The following PLXNA4 variants were observed in gnomAD, a reference collection of about 807,000 sequenced individuals.
The protein encoded by PLXNA4 is plexin A4.
PLXNA4 carries 44 observed loss-of-function variants against 191.8 expected under a neutral mutation model. The observed-to-expected ratio is 0.23, with a 90% CI of 0.18 to 0.29. The LOEUF (loss-of-function observed/expected upper bound fraction) is 0.29. Ranked by LOEUF, PLXNA4 falls within the 10% of genes least tolerant of loss-of-function variation. The pLI is 1.00. For synonymous variants in PLXNA4, 1,082 were observed against 1,009.5 expected (o/e 1.07, Z -1.36); for missense variants, 1,800 against 2,488.8 (o/e 0.72, Z 5.89).
At chr7:132,536,951 T>C (rs1233705746) in intron 1 of PLXNA4, among the ~76,000 whole-genome samples, 1 of 152,128 alleles carries the variant, frequency 6.6e-6, no homozygotes, top group Non-Finnish European at 1.5e-5. Context: ...TGCCAAGGAG[T>C]GTTGCTAAGC....
rs751471397 is a variant in PLXNA4, at chr7:132,194,052, C to T, written c.2856+10G>A. ...TGCACCCAGCCAGATCACTGCTGGCCAAGACTCACCATGAAGTAATAGAGC... is the reference window on the plus strand; with the variant it reads ...TGCACCCAGCCAGATCACTGCTGGCTAAGACTCACCATGAAGTAATAGAGC... On this transcript the variant is annotated intron_variant, in intron 14 of 31. Transcript: ENST00000321063. The T allele has an allele frequency of 2.5e-6, 4 of 1,612,064 alleles. No individual in the cohort carries two copies. The African/African-American group carries it at 5.3e-5, about 22-fold the overall frequency.
chr7:132,556,852 C>A (rs891448012), intron 1 of PLXNA4, among the ~76,000 whole-genome samples: 2 of 152,128 alleles, frequency 1.3e-5, no homozygotes, highest in African/African-American at 4.8e-5. Flanking sequence ...TGAGAGAAGT[C>A]ATTTAATAGT....
intron 2 of PLXNA4, among the ~76,000 whole-genome samples, chr7:132,612,861 A>G (rs1803079831): frequency 6.6e-6 from 1 of 152,122 alleles, no homozygotes; most frequent in African/African-American, 2.4e-5. Flanking sequence ...GGAAGACAAA[A>G]TCAACCATGG....
chr7:132,347,741 T>C (rs1049267950), intron 3 of PLXNA4, among the ~76,000 whole-genome samples: 7 of 152,106 alleles, frequency 4.6e-5, no homozygotes, highest in Non-Finnish European at 7.4e-5. Flanking sequence ...ATCACGGAGA[T>C]AGTGGTAGAG....
intron 1 of PLXNA4, among the ~76,000 whole-genome samples, chr7:132,515,697 C>G (rs1287153185): frequency 1.3e-5 from 2 of 152,212 alleles, no homozygotes; most frequent in Admixed American, 1.3e-4. Flanking sequence ...GAGCATTTGC[C>G]TTAGGAGCTG....
At chr7:132,345,076 T>C (rs1803191598) in intron 3 of PLXNA4, among the ~76,000 whole-genome samples, 1 of 152,246 alleles carries the variant, frequency 6.6e-6, no homozygotes, top group African/African-American at 2.4e-5. Flanking sequence ...TTTTAGATCA[T>C]AGATCTTTAG....
intron 3 of PLXNA4, among the ~76,000 whole-genome samples, chr7:132,318,718 C>T (rs1192218269): frequency 2.0e-5 from 3 of 150,478 alleles, no homozygotes; most frequent in Admixed American, 6.6e-5. Context: ...TCATCTGTCC[C>T]CTGAAGGGAG....
rs80160485 is a variant in PLXNA4, at chr7:132,583,741, G to A, written c.-87+62187C>T. Among the ~76,000 whole-genome samples, 360 of 152,272 alleles carry A rather than the reference G, an allele frequency of 2.4e-3. 3 individuals are homozygous for A. Among genetic ancestry groups the A allele is most frequent in the African/African-American group, 8.3e-3 (344 of 41,556 alleles). On this transcript the variant is annotated intron_variant, in intron 2 of 4. Coordinates refer to the PLXNA4 transcript ENST00000378539. ...CTTCTGGCCCTATTTTCCTGGCCAGGCCCTATATTCTTCCTCTGTTTTTAA... is the reference window on the plus strand; with the variant it reads ...CTTCTGGCCCTATTTTCCTGGCCAGACCCTATATTCTTCCTCTGTTTTTAA...
At chr7:132,474,038 G>T (rs893764299) in intron 3 of PLXNA4, among the ~76,000 whole-genome samples, 2 of 150,866 alleles carry the variant, frequency 1.3e-5, no homozygotes, top group African/African-American at 2.4e-5. Context: ...AAACAGAAAT[G>T]ACAAAAAACA....
chr7:132,226,133 G>C (rs1391030793), intron 8 of PLXNA4, 28 bp downstream of exon 8: 1 of 1,588,908 alleles, frequency 6.3e-7, no homozygotes, highest in Non-Finnish European at 8.6e-7. Flanking sequence ...CCCAGGAACG[G>C]GAAGTGGGTA....
intron 3 of PLXNA4, among the ~76,000 whole-genome samples, chr7:132,488,421 C>T (rs958270247): frequency 6.6e-6 from 1 of 152,164 alleles, no homozygotes; most frequent in Non-Finnish European, 1.5e-5. Flanking sequence ...CACACAATGT[C>T]CAGAGAACCC....
chr7:132,484,710 C>T (rs1420705708), intron 3 of PLXNA4: 177 of 1,517,976 alleles, frequency 1.2e-4, no homozygotes, highest in Non-Finnish European at 1.5e-4. Context: ...GGTGTTCCAA[C>T]ATTGTATCTC....
chr7:132,381,829 C>T (rs933267124), intron 3 of PLXNA4, among the ~76,000 whole-genome samples: 2 of 152,194 alleles, frequency 1.3e-5, no homozygotes, highest in African/African-American at 4.8e-5. Flanking sequence ...AAGCCAGGTG[C>T]CACAGGGCTT....
intron 4 of PLXNA4, among the ~76,000 whole-genome samples, chr7:132,276,700 C>T (rs1800294401): frequency 2.0e-5 from 3 of 152,118 alleles, no homozygotes. Context: ...GCCATTAACT[C>T]TACATATTTC....
intron 10 of PLXNA4, 90 bp downstream of exon 10, chr7:132,210,853 A>G (rs1797775886): frequency 7.0e-7 from 1 of 1,418,698 alleles, no homozygotes; most frequent in Non-Finnish European, 9.7e-7. Context: ...AAACGACTGC[A>G]GGGCTGAGCT....
intron 3 of PLXNA4, among the ~76,000 whole-genome samples, chr7:132,450,664 C>A (rs1796085985): frequency 1.3e-5 from 2 of 152,208 alleles, no homozygotes; most frequent in African/African-American, 4.8e-5. Context: ...CTCCAGAATT[C>A]TTGGAGCAGA....
At chr7:132,281,461 T>C (rs1325511811) in intron 4 of PLXNA4, among the ~76,000 whole-genome samples, 1 of 152,216 alleles carries the variant, frequency 6.6e-6, no homozygotes, top group African/African-American at 2.4e-5. Flanking sequence ...CTGAAACTCT[T>C]CATTTGGAAG....
intron 3 of PLXNA4, among the ~76,000 whole-genome samples, chr7:132,313,991 T>C (rs760669263): frequency 2.6e-5 from 4 of 152,108 alleles, no homozygotes; most frequent in Non-Finnish European, 5.9e-5. Flanking sequence ...CTCACTAAGT[T>C]GAGGAATAGA....
chr7:132,174,743 C>T lies in PLXNA4; in HGVS notation c.4017+35G>A, dbSNP rs1003711117. On this transcript the variant is annotated intron_variant, in intron 21 of 31. Transcript: ENST00000321063. Reference sequence around the variant, plus strand: ...ACTTGAAGATTGCCAACACGCTCCCCTGCTCTAATGCCAGGATGGAGCACT... The same window carrying T: ...ACTTGAAGATTGCCAACACGCTCCCTTGCTCTAATGCCAGGATGGAGCACT... The T allele has an allele frequency of 6.9e-6, 11 of 1,604,922 alleles. No individual in the cohort carries two copies. In the African/African-American group the frequency reaches 1.3e-4, roughly 20 times the overall value.
Sources: gnomAD v4.1 joint callset for allele counts (sites outside exome capture counted in the v4.1 genomes callset) on GRCh38, gnomAD v4.1.1 for gene constraint, MANE v1.5 for transcripts, NCBI Gene and HGNC (gene_info 2026-07-23, HGNC 2026-07-21) for gene names.